The following AMACR variants were observed in gnomAD, a reference collection of about 807,000 sequenced individuals.
The protein encoded by AMACR is 2-methylacyl-CoA racemase.
AMACR carries 18 observed loss-of-function variants against 22.2 expected under a neutral mutation model. The observed-to-expected ratio is 0.81, with a 90% confidence interval of 0.56 to 1.20. The LOEUF (loss-of-function observed/expected upper bound fraction) is 1.20. AMACR is among the 50% of genes most tolerant of loss of function. The probability of loss-of-function intolerance (pLI) is 0.00; values close to 1 mark genes in which losing one functional copy is unlikely to be tolerated. For synonymous variants in AMACR, 213 were observed against 191.3 expected, an observed-to-expected ratio of 1.11 and a Z score of -0.94; for missense variants, 499 against 490.6, an observed-to-expected ratio of 1.02 and a Z score of -0.16.
chr5:33,997,954 C>A (rs189402581), intron 4 of AMACR, among the ~76,000 whole-genome samples: 27 of 152,212 alleles, frequency 1.8e-4, no homozygotes, highest in Admixed American at 8.5e-4. Flanking sequence ...AAGGTAAATG[C>A]ACTGTGATCA....
intron 3 of AMACR, among the ~76,000 whole-genome samples, chr5:33,999,903 G>C (rs1455919726): frequency 1.3e-5 from 2 of 152,168 alleles, no homozygotes; most frequent in Non-Finnish European, 2.9e-5. Flanking sequence ...AGATATTAGA[G>C]TTCCACATTT....
At chr5:34,002,769 G>A (rs775361038) in intron 3 of AMACR, among the ~76,000 whole-genome samples, 3 of 152,140 alleles carry the variant, frequency 2.0e-5, no homozygotes, top group Non-Finnish European at 4.4e-5. Context: ...CTCATGCAGC[G>A]ACTATGCCAT....
rs2112026990 is a variant in AMACR, at chr5:33,986,956, G to A, written c.*2137C>T. The A allele has an allele frequency of 6.6e-6, 1 of 152,054 alleles. No homozygotes were observed. Among genetic ancestry groups the A allele is most frequent in the Non-Finnish European group, 1.5e-5 (1 of 68,016 alleles). The allele number at this position is 152,054 out of a possible 1,614,324, so 9.4% of individuals were successfully genotyped here. A position where few individuals can be genotyped will look rare whatever the true frequency, so the allele number is the denominator to read the frequency against. On this transcript the variant is annotated 3_prime_UTR_variant, in exon 5 of 5. Coordinates refer to ENST00000335606, the MANE Select transcript of AMACR (RefSeq NM_014324.6). ...ACTTCGAGTGGGTTATATTTTCCTTGCTGGACCGAGTTCAAATGAAAAGTC... is the reference window on the plus strand; with the variant it reads ...ACTTCGAGTGGGTTATATTTTCCTTACTGGACCGAGTTCAAATGAAAAGTC...
intron 3 of AMACR, among the ~76,000 whole-genome samples, chr5:34,001,542 T>C (rs1009060333): frequency 6.6e-6 from 1 of 152,240 alleles, no homozygotes; most frequent in Non-Finnish European, 1.5e-5. Context: ...CAGCTCATTA[T>C]GTAAGAGAAA....
chr5:33,997,578 G>T, intron 4 of AMACR: 2 of 767,468 alleles, frequency 2.6e-6, no homozygotes, highest in South Asian at 1.4e-5. Context: ...CAGACTGCAG[G>T]TGGCAGTGTT....
intron 4 of AMACR, among the ~76,000 whole-genome samples, chr5:33,993,536 T>C (rs1753546764): frequency 6.6e-6 from 1 of 152,240 alleles, no homozygotes; most frequent in Non-Finnish European, 1.5e-5. Flanking sequence ...ACACTCTCAT[T>C]GGTAATACAC....
At chr5:33,997,475 T>C (rs1255224347) in intron 4 of AMACR, 1 of 779,750 alleles carries the variant, frequency 1.3e-6, no homozygotes, top group East Asian at 2.4e-5. Context: ...CCTGGCACGA[T>C]ACTGCTTCCT....
At chr5:34,005,692 C>T in intron 2 of AMACR, 64 bp downstream of exon 2, 1 of 1,584,686 alleles carries the variant, frequency 6.3e-7, no homozygotes. Flanking sequence ...TATTGTTAAT[C>T]AACATACCTG....
At chr5:34,004,837 A>G in intron 2 of AMACR, 103 bp from the exon 3 acceptor site, 3 of 1,367,490 alleles carry the variant, frequency 2.2e-6, no homozygotes, top group East Asian at 2.5e-5. Flanking sequence ...CCAGCAGATA[A>G]TCTAAGTGAA....
chr5:33,999,470 A>G (rs538510084), intron 3 of AMACR, among the ~76,000 whole-genome samples: 2 of 152,338 alleles, frequency 1.3e-5, no homozygotes, highest in Non-Finnish European at 2.9e-5. Flanking sequence ...CTTCCCACTG[A>G]GTCCTAAAGT....
rs773536938 is a variant in AMACR, at chr5:33,988,294, G to T, written c.*799C>A. 20 of 1,536,182 alleles carry T rather than the reference G, an allele frequency of 1.3e-5. No individual in the cohort carries two copies. Among genetic ancestry groups the T allele is most frequent in the Non-Finnish European group, 1.7e-5 (19 of 1,145,532 alleles). ...AGGAGACACAAAACGACTTGCTGGG[G>T]GGTCCTGAGATCTTTATTTCTGGAT... On this transcript the variant is annotated 3_prime_UTR_variant, in exon 5 of 5. Coordinates refer to ENST00000335606, the MANE Select transcript of AMACR (RefSeq NM_014324.6).
At chr5:33,994,732 A>T (rs568267070) in intron 4 of AMACR, among the ~76,000 whole-genome samples, 1 of 152,290 alleles carries the variant, frequency 6.6e-6, no homozygotes, top group East Asian at 1.9e-4. Flanking sequence ...ATATCATAAA[A>T]GGCTATGGAT....
At chr5:34,006,390 G>C (rs1194926811) in intron 1 of AMACR, among the ~76,000 whole-genome samples, 2 of 152,172 alleles carry the variant, frequency 1.3e-5, no homozygotes, top group African/African-American at 2.4e-5. Context: ...TAGAAAGAGT[G>C]GTTAGTGACA....
rs772033898 is a variant in AMACR, at chr5:33,998,736, C to G, written c.644G>C (p.Gly215Ala). The G allele has an allele frequency of 6.2e-6, 10 of 1,614,104 alleles. No homozygotes were observed. In the South Asian group the frequency reaches 1.1e-4, roughly 18 times the overall value. ...GTAAGTCGTATAGAAAGGTGCTCCACCATCCAACATGTTCTGTCCTCGAGG... is the reference window on the plus strand; with the variant it reads ...GTAAGTCGTATAGAAAGGTGCTCCAGCATCCAACATGTTCTGTCCTCGAGG... ...EAPRGQNMLDGGAPFYTTYRT... is the reference protein window; with the variant it reads ...EAPRGQNMLDAGAPFYTTYRT... Residue 215 changes from glycine (G) to alanine (A), a missense_variant, in exon 4 of 5, where the codon GGT (glycine) becomes GCT (alanine). Gly to Ala is a moderately conservative substitution (Grantham distance 60). Transcript: ENST00000335606.
intron 3 of AMACR, among the ~76,000 whole-genome samples, chr5:34,002,485 T>G (rs150272995): frequency 6.6e-6 from 1 of 152,220 alleles, no homozygotes; most frequent in Non-Finnish European, 1.5e-5. Context: ...TTGCTCTTAG[T>G]TCATTCCTTT....
At position 34,007,865 on chromosome 5, in the gene AMACR, G is replaced by T. The variant is rs1160235517; in HGVS notation, c.155C>A (p.Ser52Ter). Reference sequence around the variant, plus strand: ...CGGCTGCTTCAGGTCCAGCACTAGCGAGCGCTTGCCCCGGCCCAAGCGGCT... The same window carrying T: ...CGGCTGCTTCAGGTCCAGCACTAGCTAGCGCTTGCCCCGGCCCAAGCGGCT... ...DVSRLGRGKR[S>*]LVLDLKQPRG... The change falls in exon 1 of 5, where the codon TCG becomes TAG. Residue 52 changes from serine to a stop codon, truncating the protein, a stop_gained. Coordinates refer to ENST00000335606, the MANE Select transcript of AMACR (RefSeq NM_014324.6). LOFTEE classifies it high-confidence loss of function. 2.5e-6 allele frequency: 4 copies of T among 1,588,812 alleles called. No individual in the cohort carries two copies. The highest frequency in any genetic ancestry group is 3.4e-6 in the Non-Finnish European group (4 of 1,170,168).
intron 4 of AMACR, among the ~76,000 whole-genome samples, chr5:33,994,607 T>G (rs1279417670): frequency 1.3e-5 from 2 of 152,258 alleles, no homozygotes; most frequent in African/African-American, 2.4e-5. Context: ...TGAGGCATTT[T>G]GGCATGGACT....
At position 33,988,676 on chromosome 5, in the gene AMACR, C is replaced by T. The variant is rs566109692; in HGVS notation, c.*417G>A. On this transcript the variant is annotated 3_prime_UTR_variant, in exon 5 of 5. Coordinates refer to ENST00000335606, the MANE Select transcript of AMACR (RefSeq NM_014324.6). The stretch of plus-strand genomic sequence containing the variant: ...GGATGCAACCAATCACTCTGTTTCA[C>T]GTGACTTTTATCACCATACAATTTG... 8 of 1,217,472 alleles carry T rather than the reference C, an allele frequency of 6.6e-6. No homozygotes were observed. The highest frequency in any genetic ancestry group is 6.2e-5 in the African/African-American group (4 of 64,610). 75.4% of individuals were successfully genotyped at this position (1,217,472 alleles called of 1,614,324 possible). A position where few individuals can be genotyped will look rare whatever the true frequency, so the allele number is the denominator to read the frequency against.
At chr5:34,001,604 AT>A in intron 3 of AMACR, among the ~76,000 whole-genome samples, 1 of 152,234 alleles carries the variant, frequency 6.6e-6, no homozygotes, top group Non-Finnish European at 1.5e-5. Flanking sequence ...GCTACAGTTA[AT>A]TTAACAACGC....
Sources: gnomAD v4.1 joint callset for allele counts (sites outside exome capture counted in the v4.1 genomes callset) on GRCh38, gnomAD v4.1.1 for gene constraint, MANE v1.5 for transcripts, NCBI Gene and HGNC (gene_info 2026-07-23, HGNC 2026-07-21) for gene names.